The following CYTH2 variants were observed in gnomAD, a reference collection of about 807,000 sequenced individuals.
CYTH2 encodes cytohesin-2.
In CYTH2, 24 loss-of-function variants were observed where a neutral mutation model predicts 55.4. That is an observed-to-expected ratio of 0.43 (90% CI 0.31 to 0.61). CYTH2 has a LOEUF of 0.61. Ranked by LOEUF, CYTH2 falls within the 20% of genes least tolerant of loss-of-function variation. The pLI, the probability that CYTH2 is intolerant of heterozygous loss-of-function variation, is 0.08. For synonymous variants in CYTH2, 221 were observed against 209.6 expected, an observed-to-expected ratio of 1.05 and a Z score of -0.47; for missense variants, 378 against 533.5, an observed-to-expected ratio of 0.71 and a Z score of 2.87.
chr19:48,478,460 C>T lies in CYTH2; in HGVS notation c.980C>T (p.Pro327Leu). ...RKPNCFELYI[P>L]NNKGQLIKAC... ...CAGAACTGCTTTGAACTTTACATCC[C>T]CAACAACAAGGGGCAGCTCATCAAA... The change falls in exon 11 of 12, where the codon CCC (proline) becomes CTC (leucine). Residue 327 changes from proline (P) to leucine (L), a missense_variant. Pro to Leu is a moderately conservative substitution (Grantham distance 98). Coordinates refer to ENST00000452733, the MANE Select transcript of CYTH2 (RefSeq NM_004228.7). The T allele has an allele frequency of 6.2e-7, 1 of 1,614,086 alleles. No individual in the cohort carries two copies. Among genetic ancestry groups the T allele is most frequent in the South Asian group, 1.1e-5 (1 of 91,074 alleles).
At chr19:48,478,867 C>G (rs1292399194) in intron 11 of CYTH2, among the ~76,000 whole-genome samples, 1 of 132,574 alleles carries the variant, frequency 7.5e-6, no homozygotes, top group Admixed American at 7.9e-5. Flanking sequence ...ACTCCTGGGT[C>G]TGACGGAGGA....
At chr19:48,473,476 A>G in intron 5 of CYTH2, 98 bp downstream of exon 5, 1 of 1,307,564 alleles carries the variant, frequency 7.6e-7, no homozygotes, top group Non-Finnish European at 1.1e-6. Context: ...AACAGAAACA[A>G]GCAAAACAGA....
chr19:48,472,378 C>T lies in CYTH2; in HGVS notation c.288C>T (p.Ile96=), dbSNP rs769547619. Residue 96 remains isoleucine (I), a synonymous_variant, in exon 4 of 12, where the codon ATC becomes ATT. Coordinates refer to ENST00000452733, the MANE Select transcript of CYTH2 (RefSeq NM_004228.7). ...TGCTGCAGAACACACCCGAGGAGAT[C>T]GCCCGCTTCCTGTACAAGGGCGAGG... is the stretch of plus-strand genomic sequence containing the variant. ...NELLQNTPEE[I]ARFLYKGEGL... 12 of 1,613,986 alleles carry T rather than the reference C, an allele frequency of 7.4e-6. No homozygotes were observed. The highest frequency in any genetic ancestry group is 1.0e-5 in the Non-Finnish European group (12 of 1,180,012).
intron 1 of CYTH2, chr19:48,469,902 C>G: frequency 1.8e-6 from 1 of 566,998 alleles, no homozygotes; most frequent in Admixed American, 2.2e-5. Context: ...GATGTCCCGC[C>G]CCACCTTCCC....
intron 1 of CYTH2, 184 bp downstream of exon 1, chr19:48,469,710 A>G: frequency 1.0e-6 from 1 of 958,016 alleles, no homozygotes; most frequent in Non-Finnish European, 1.5e-6. Flanking sequence ...CGGGCGTTCC[A>G]GGCCATTGTT....
At chr19:48,475,009 C>G (rs1971883729) in intron 8 of CYTH2, 60 bp downstream of exon 8, 2 of 1,479,376 alleles carry the variant, frequency 1.4e-6, no homozygotes, top group Non-Finnish European at 9.3e-7. Context: ...GGCCTGGGCC[C>G]TGGACTCAGC....
At chr19:48,478,220 G>A in intron 9 of CYTH2, 55 bp from the exon 10 acceptor site, 1 of 1,612,502 alleles carries the variant, frequency 6.2e-7, no homozygotes, top group Non-Finnish European at 8.5e-7. Context: ...GGCTGAGGGA[G>A]GTGGGGTGGG....
At chr19:48,470,524 A>T (rs779951620) in intron 2 of CYTH2, 24 bp downstream of exon 2, 2 of 1,613,724 alleles carry the variant, frequency 1.2e-6, no homozygotes, top group Non-Finnish European at 1.7e-6. Flanking sequence ...CGGATGACCT[A>T]GGGGGCGTGG....
At chr19:48,471,254 C>T (rs1200020997) in intron 3 of CYTH2, among the ~76,000 whole-genome samples, 2 of 151,762 alleles carry the variant, frequency 1.3e-5, no homozygotes, top group Non-Finnish European at 2.9e-5. Flanking sequence ...CCGCCTCCTG[C>T]GATTCTCCTG....
chr19:48,475,002 C>G, intron 8 of CYTH2, 53 bp downstream of exon 8: 7 of 1,541,004 alleles, frequency 4.5e-6, no homozygotes, highest in Non-Finnish European at 6.2e-6. Context: ...ATTTGTGGGC[C>G]TGGGCCCTGG....
At chr19:48,476,737 G>C (rs947820695) in intron 8 of CYTH2, 1 of 152,168 alleles carries the variant, frequency 6.6e-6, no homozygotes, top group Non-Finnish European at 1.5e-5. Flanking sequence ...TTAGCCGGGC[G>C]TGGTGGCAGG....
chr19:48,470,412 C>G lies in CYTH2; in HGVS notation c.79C>G (p.Gln27Glu). 3 of 1,614,054 alleles carry G rather than the reference C, an allele frequency of 1.9e-6. No homozygotes were observed. The highest frequency in any genetic ancestry group is 2.5e-6 in the Non-Finnish European group (3 of 1,180,014). ...MELENIRRRKQELLVEIQRLR... is the reference protein window; with the variant it reads ...MELENIRRRKEELLVEIQRLR... Reference sequence around the variant, plus strand: ...GCTGGAGAACATCCGGCGGCGGAAGCAGGAGCTGCTGGTGGAGATTCAGCG... The same window carrying G: ...GCTGGAGAACATCCGGCGGCGGAAGGAGGAGCTGCTGGTGGAGATTCAGCG... Residue 27 changes from glutamine (Q) to glutamate (E), a missense_variant, in exon 2 of 12, where the codon CAG becomes GAG. Coordinates refer to ENST00000452733, the MANE Select transcript of CYTH2 (RefSeq NM_004228.7).
At chr19:48,478,179 G>A in intron 9 of CYTH2, 34 bp downstream of exon 9, 3 of 1,613,046 alleles carry the variant, frequency 1.9e-6, no homozygotes, top group Non-Finnish European at 2.5e-6. Flanking sequence ...CTGGGGTCCT[G>A]GGCGGAGTGG....
Position 48,475,153 on chromosome 19 carries a change from C to T in CYTH2, c.808+204C>T. On this transcript the variant is annotated intron_variant, in intron 8 of 11. Coordinates refer to ENST00000452733, the MANE Select transcript of CYTH2 (RefSeq NM_004228.7). ...GGGCCTGGCCTGTAGTAAGTACTTC[C>T]CAACCCCTTCTCTTGACCCACAAAT... 3 of 553,446 alleles carry T rather than the reference C, an allele frequency of 5.4e-6. No homozygotes were observed. The East Asian group carries it at 9.3e-5, about 17-fold the overall frequency. 34.3% of individuals were successfully genotyped at this position (553,446 alleles called of 1,614,324 possible).
rs1180644969 is a variant in CYTH2 at position 48,474,289 on chromosome 19, G to A, written c.655G>A (p.Gly219Ser). 1 of 1,613,248 alleles carries A rather than the reference G, an allele frequency of 6.2e-7. No individual in the cohort carries two copies. Among genetic ancestry groups the A allele is most frequent in the South Asian group, 1.1e-5 (1 of 90,976 alleles). Reference protein sequence around the residue: ...GLERFVAMNRGINEGGDLPEE... With the variant: ...GLERFVAMNRSINEGGDLPEE... ...GGAGCGCTTTGTGGCCATGAACCGGGGCATCAACGAGGGCGGGGACCTGCC... is the reference window on the plus strand; with the variant it reads ...GGAGCGCTTTGTGGCCATGAACCGGAGCATCAACGAGGGCGGGGACCTGCC... The change falls in exon 7 of 12, where the codon GGC (glycine) becomes AGC (serine). Residue 219 changes from glycine to serine, a missense_variant. Gly to Ser is a moderately conservative substitution (Grantham distance 56, BLOSUM62 0). Transcript: ENST00000452733. This position sits in a 1 kb window ranked among gnomAD's most constrained non-coding sequence, Gnocchi z 4.9.
chr19:48,478,353 C>T lies in CYTH2; in HGVS notation c.957+7C>T. 1 of 1,614,098 alleles carries T rather than the reference C, an allele frequency of 6.2e-7. No homozygotes were observed. The highest frequency in any genetic ancestry group is 8.5e-7 in the Non-Finnish European group (1 of 1,180,000). The stretch of plus-strand genomic sequence containing the variant: ...GGACGACCCCCGGAAACCGGTAAGA[C>T]CCTCTCTGTACACCTTCCTGCCAGG... On this transcript the variant is annotated splice_region_variant and intron_variant, in intron 10 of 11. Transcript: ENST00000452733.
At chr19:48,478,376 A>AG (rs1186630840) in intron 10 of CYTH2, 30 bp downstream of exon 10, 1 of 1,613,668 alleles carries the variant, frequency 6.2e-7, no homozygotes, top group East Asian at 2.2e-5. Context: ...CCTTCCTGCC[A>AG]GGGCGGGGCC....
In CYTH2 at chr19:48,473,744, C is replaced by T. The variant is rs964413337; in HGVS notation, c.435-161C>T. 6.0e-5 allele frequency: 38 copies of T among 630,692 alleles called. No individual in the cohort carries two copies. The African/African-American group carries it at 6.6e-4, about 11-fold the overall frequency. The allele number at this position is 630,692 out of a possible 1,614,324, so 39.1% of individuals were successfully genotyped here. ...TAGGGATTCACAACACTCCCGTGGCCAATGCCCATTGGTGAGACTGGATCA... is the reference window on the plus strand; with the variant it reads ...TAGGGATTCACAACACTCCCGTGGCTAATGCCCATTGGTGAGACTGGATCA... On this transcript the variant is annotated intron_variant, in intron 5 of 11. Transcript: ENST00000452733.
rs1158724505 is a variant in CYTH2 at position 48,474,544 on chromosome 19, G to A, written c.696+214G>A. ...TGGCCCTGACAATTTTGGCCTGTCT[G>A]TCTTCTCTGTCTCTGGCTGTTGGGC... is the stretch of plus-strand genomic sequence containing the variant. On this transcript the variant is annotated intron_variant, in intron 7 of 11. Coordinates refer to ENST00000452733, the MANE Select transcript of CYTH2 (RefSeq NM_004228.7). The surrounding 1 kb of genome is among the most constrained non-coding windows in gnomAD (Gnocchi z 4.9). Among the ~76,000 whole-genome samples, 1 of 152,118 alleles carries A rather than the reference G, an allele frequency of 6.6e-6. No individual in the cohort carries two copies.
Sources: gnomAD v4.1 joint callset for allele counts (sites outside exome capture counted in the v4.1 genomes callset) on GRCh38, gnomAD v4.1.1 for gene constraint, Gnocchi (gnomAD v3.1) non-coding constraint, MANE v1.5 for transcripts, NCBI Gene and HGNC (gene_info 2026-07-23, HGNC 2026-07-21) for gene names.